The following APOL1 variants were observed in gnomAD, a reference collection of about 807,000 sequenced individuals.
APOL1 encodes the protein apolipoprotein L1, also known as apolipoprotein L 1.
A neutral mutation model predicts 14.9 loss-of-function variants in APOL1; 17 were observed. That is an observed-to-expected ratio of 1.14 (90% confidence interval 0.78 to 1.71). APOL1 has a LOEUF of 1.71. APOL1 is among the 40% of genes most tolerant of loss of function. APOL1 has a pLI of 0.00. For missense variants in APOL1, 523 were observed against 485.9 expected (o/e 1.08, Z -0.72); for synonymous variants, 195 against 184.8 (o/e 1.05, Z -0.45).
In APOL1 at chr22:36,261,658, C is replaced by A. The variant is rs752984894; in HGVS notation, c.250C>A (p.Leu84Met). ...CAAGGAAAAAGTGAGCACACAGAATCTGCTACTCCTGCTGACTGATAATGA... is the reference window on the plus strand; with the variant it reads ...CAAGGAAAAAGTGAGCACACAGAATATGCTACTCCTGCTGACTGATAATGA... ...YFKEKVSTQN[L>M]LLLLTDNEAW... Residue 84 changes from leucine to methionine, a missense_variant, in exon 5 of 6, where the codon CTG (leucine) becomes ATG (methionine). Leu to Met is a conservative substitution (Grantham distance 15). Transcript: ENST00000397278. 29 of 1,613,990 alleles carry A rather than the reference C, an allele frequency of 1.8e-5. No homozygotes were observed. Among genetic ancestry groups the A allele is most frequent in the Non-Finnish European group, 2.3e-5 (27 of 1,179,990 alleles).
intron 1 of APOL1, chr22:36,254,059 C>G: frequency 6.3e-7 from 1 of 1,584,954 alleles, no homozygotes; most frequent in Non-Finnish European, 8.7e-7. Flanking sequence ...AACCTGGAAA[C>G]TTTTGGATTA....
chr22:36,259,716 C>T (rs565335433), intron 4 of APOL1: 110 of 1,303,764 alleles, frequency 8.4e-5, no homozygotes, highest in Middle Eastern at 2.1e-4. Flanking sequence ...TACCCTGAGA[C>T]CAGCCTGCAG....
intron 4 of APOL1, among the ~76,000 whole-genome samples, chr22:36,261,322 G>A (rs1375666504): frequency 1.3e-5 from 2 of 152,112 alleles, no homozygotes; most frequent in Non-Finnish European, 1.5e-5. Context: ...TAGGACACTA[G>A]CCCTCTAATA....
chr22:36,257,221 C>T, intron 3 of APOL1, 85 bp downstream of exon 3: 2 of 1,605,444 alleles, frequency 1.2e-6, no homozygotes, highest in Non-Finnish European at 1.7e-6. Context: ...TTGCTTCCAC[C>T]CCAGAGAGAT....
At position 36,261,523 on chromosome 22, in the gene APOL1, T is replaced by C. The variant is rs568570164; in HGVS notation, c.188-73T>C. ...GCTGTCCAGGAAAATTAACATGTAGTCATCTCTTATGCAATGGCTGTTATG... is the reference window on the plus strand; with the variant it reads ...GCTGTCCAGGAAAATTAACATGTAGCCATCTCTTATGCAATGGCTGTTATG... On this transcript the variant is annotated intron_variant, in intron 4 of 5. Coordinates refer to ENST00000397278, the MANE Select transcript of APOL1 (RefSeq NM_003661.4). 171 of 1,470,500 alleles carry C rather than the reference T, an allele frequency of 1.2e-4. No individual in the cohort carries two copies. The African/African-American group carries it at 2.3e-3, about 19-fold the overall frequency. The allele number at this position is 1,470,500 out of a possible 1,614,324, so 91.1% of individuals were successfully genotyped here. A position where few individuals can be genotyped will look rare whatever the true frequency, so the allele number is the denominator to read the frequency against.
At chr22:36,257,232 T>C in intron 3 of APOL1, 87 bp from the exon 4 acceptor site, 2 of 1,603,924 alleles carry the variant, frequency 1.2e-6, no homozygotes, top group Non-Finnish European at 1.7e-6. Context: ...CCAGAGAGAT[T>C]TGCAGAGCCC....
chr22:36,257,986 T>C (rs1034519629), intron 4 of APOL1, among the ~76,000 whole-genome samples: 13 of 152,254 alleles, frequency 8.5e-5, no homozygotes, highest in Non-Finnish European at 1.8e-4. Context: ...TTACCTCCCT[T>C]CTCCTGTACC....
Position 36,264,870 on chromosome 22 carries a change from T to C in APOL1, c.315-281T>C, listed in dbSNP as rs191665880. On this transcript the variant is annotated intron_variant, in intron 5 of 5. Transcript: ENST00000397278. ...CTCTGTCGCCCAAGCTGGAGTGCAG[T>C]GGCGCGATCTCGGCTCACTGCAAGC... 2.0e-3 allele frequency among the ~76,000 whole-genome samples: 294 copies of C among 147,116 alleles called. 3 individuals are homozygous for C. The highest frequency in any genetic ancestry group is 6.8e-3 in the African/African-American group (270 of 39,952).
chr22:36,265,744 G>C lies in APOL1; in HGVS notation c.908G>C (p.Arg303Pro). 1 of 1,614,006 alleles carries C rather than the reference G, an allele frequency of 6.2e-7. No homozygotes were observed. Among genetic ancestry groups the C allele is most frequent in the Middle Eastern group, 1.6e-4 (1 of 6,062 alleles). Residue 303 changes from arginine (R) to proline (P), a missense_variant, in exon 6 of 6, where the codon CGC (arginine) becomes CCC (proline). Arg to Pro is a moderately radical substitution (Grantham distance 103). Transcript: ENST00000397278. ...TCAGTACCGCATGCCTCAGCCTCAC[G>C]CCCCCGGGTCACTGAGCCAATCTCA... ...LQSVPHASAS[R>P]PRVTEPISAE... is the part of the protein sequence containing the mutation.
rs2016244783 is a variant in APOL1 at position 36,265,946 on chromosome 22, G to C, written c.1110G>C (p.Glu370Asp). Reference protein sequence around the residue: ...HEGAKSETAEELKKVAQELEE... With the variant: ...HEGAKSETAEDLKKVAQELEE... ...GGGCAAAGTCAGAGACAGCTGAGGA[G>C]CTGAAGAAGGTGGCTCAGGAGCTGG... is the stretch of plus-strand genomic sequence containing the variant. The change falls in exon 6 of 6, where the codon GAG (glutamate) becomes GAC (aspartate). Residue 370 changes from glutamate (E) to aspartate (D), a missense_variant. Physicochemically the swap from Glu to Asp is conservative, Grantham distance 45. Transcript: ENST00000397278. The C allele has an allele frequency of 6.2e-7, 1 of 1,614,200 alleles. No individual in the cohort carries two copies. Among genetic ancestry groups the C allele is most frequent in the Non-Finnish European group, 8.5e-7 (1 of 1,180,040 alleles).
intron 3 of APOL1, 22 bp from the exon 4 acceptor site, chr22:36,257,297 A>G (rs1474273411): frequency 2.9e-5 from 47 of 1,612,786 alleles, no homozygotes; most frequent in Non-Finnish European, 3.9e-5. Flanking sequence ...TTGATCCCAC[A>G]ATTTGTTTTC....
chr22:36,266,114 CAG>C lies in APOL1; in HGVS notation c.*84_*85del. On this transcript the variant is annotated 3_prime_UTR_variant, in exon 6 of 6. Transcript: ENST00000397278. Reference sequence around the variant, plus strand: ...TGCAAACTTTTTTTTTTTTCTGAGACAGAGTCTTGCTCTGTCGCCAAGTTGGA... The same window carrying C: ...TGCAAACTTTTTTTTTTTTCTGAGACAGTCTTGCTCTGTCGCCAAGTTGGA... 5 of 1,452,714 alleles carry C rather than the reference CAG, an allele frequency of 3.4e-6. No individual in the cohort carries two copies. The South Asian group carries it at 7.0e-5, about 20-fold the overall frequency. 90.0% of individuals were successfully genotyped at this position (1,452,714 alleles called of 1,614,324 possible). A position where few individuals can be genotyped will look rare whatever the true frequency, so the allele number is the denominator to read the frequency against.
chr22:36,258,998 G>A (rs115055881), intron 4 of APOL1, among the ~76,000 whole-genome samples: 1,822 of 152,264 alleles, frequency 0.012, 42 homozygotes, highest in African/African-American at 0.042. Context: ...GGTGGTTTCA[G>A]CAACTCCTTC....
In APOL1 at chr22:36,257,418, C is replaced by T. The variant is rs780552046; in HGVS notation, c.187+11C>T. On this transcript the variant is annotated intron_variant, in intron 4 of 5. Coordinates refer to ENST00000397278, the MANE Select transcript of APOL1 (RefSeq NM_003661.4). Reference sequence around the variant, plus strand: ...GCACCATGGACCCAGGTAGGCTCACCTCCTCTTCCCTGCTGGTTCCTACTC... The same window carrying T: ...GCACCATGGACCCAGGTAGGCTCACTTCCTCTTCCCTGCTGGTTCCTACTC... The T allele has an allele frequency of 3.0e-5, 49 of 1,610,478 alleles. No homozygotes were observed. The highest frequency in any genetic ancestry group is 8.5e-7 in the Non-Finnish European group (1 of 1,176,766).
intron 4 of APOL1, among the ~76,000 whole-genome samples, chr22:36,257,802 C>T (rs993077132): frequency 4.6e-5 from 7 of 152,076 alleles, no homozygotes; most frequent in Non-Finnish European, 8.8e-5. Flanking sequence ...CTGCTCCAAG[C>T]TGACCCTGGG....
intron 1 of APOL1, 33 bp from the exon 2 acceptor site, chr22:36,254,904 C>G (rs746798061): frequency 6.2e-7 from 1 of 1,612,968 alleles, no homozygotes. Flanking sequence ...TCAGGAGGAG[C>G]ACACTGTCTC....
chr22:36,259,635 C>A, intron 4 of APOL1: 1 of 1,271,478 alleles, frequency 7.9e-7, no homozygotes, highest in Non-Finnish European at 1.0e-6. Context: ...AAAACTCTCC[C>A]CCCAAAACAA....
At chr22:36,264,746 C>G (rs2016176774) in intron 5 of APOL1, among the ~76,000 whole-genome samples, 1 of 151,590 alleles carries the variant, frequency 6.6e-6, no homozygotes, top group Non-Finnish European at 1.5e-5. Flanking sequence ...ATAGTGAAAG[C>G]TCTGCAATTT....
rs749814975 is a variant in APOL1 at position 36,257,428 on chromosome 22, C to T, written c.187+21C>T. 8 of 1,603,490 alleles carry T rather than the reference C, an allele frequency of 5.0e-6. No individual in the cohort carries two copies. The South Asian group carries it at 7.7e-5, about 15-fold the overall frequency. ...CCCAGGTAGGCTCACCTCCTCTTCC[C>T]TGCTGGTTCCTACTCGCACTTAGAA... On this transcript the variant is annotated intron_variant, in intron 4 of 5. Coordinates refer to ENST00000397278, the MANE Select transcript of APOL1 (RefSeq NM_003661.4).
Sources: gnomAD v4.1 joint callset for allele counts (sites outside exome capture counted in the v4.1 genomes callset) on GRCh38, gnomAD v4.1.1 for gene constraint, MANE v1.5 for transcripts, NCBI Gene and HGNC (gene_info 2026-07-23, HGNC 2026-07-21) for gene names.